The following SLC6A2 variants were observed in gnomAD, a reference collection of about 807,000 sequenced individuals.
The protein encoded by SLC6A2 is sodium-dependent noradrenaline transporter.
A neutral mutation model predicts 71.7 loss-of-function variants in SLC6A2; 26 were observed. The ratio of observed to expected loss-of-function variants is 0.36; its 90% CI spans 0.27 to 0.50. The LOEUF is 0.50. Among genes scored for constraint, SLC6A2 ranks in the 20% least tolerant of loss-of-function variants. SLC6A2 has a pLI of 0.96. For synonymous variants in SLC6A2, 363 were observed against 337.9 expected (o/e 1.07, Z -0.82); for missense variants, 581 against 803.9 (o/e 0.72, Z 3.35).
intron 2 of SLC6A2, among the ~76,000 whole-genome samples, chr16:55,662,168 G>A (rs539106417): frequency 6.6e-6 from 1 of 152,286 alleles, no homozygotes; most frequent in Non-Finnish European, 1.5e-5. Context: ...CTTGTCAAAA[G>A]GATCTGAAAG....
rs1236577996 is a variant in SLC6A2, at chr16:55,656,754, T to G, written c.60T>G (p.Gly20=). 2 of 1,612,850 alleles carry G rather than the reference T, an allele frequency of 1.2e-6. No homozygotes were observed. Among genetic ancestry groups the G allele is most frequent in the Non-Finnish European group, 1.7e-6 (2 of 1,179,844 alleles). The change falls in exon 2 of 15, where the codon GGT becomes GGG. Residue 20 remains glycine, a synonymous_variant. Transcript: ENST00000568943. This position sits in a 1 kb window ranked among gnomAD's most constrained non-coding sequence, Gnocchi z 4.5. ...CCGAGAACAACGGGGCGGACACGGG[T>G]CCAGAGCAGCCCCTTCGGGCGCGCA... is the stretch of plus-strand genomic sequence containing the variant. ...VQPENNGADT[G]PEQPLRARKT...
intron 4 of SLC6A2, among the ~76,000 whole-genome samples, chr16:55,675,183 G>A (rs1965046193): frequency 6.6e-6 from 1 of 152,126 alleles, no homozygotes; most frequent in Non-Finnish European, 1.5e-5. Context: ...TAAAATGTTT[G>A]CATAGCACTC....
At chr16:55,662,867 C>T (rs1306254364) in intron 2 of SLC6A2, among the ~76,000 whole-genome samples, 3 of 152,170 alleles carry the variant, frequency 2.0e-5, no homozygotes, top group Non-Finnish European at 4.4e-5. Flanking sequence ...ACACAGAAGA[C>T]GTCTGTGACC....
intron 14 of SLC6A2, 63 bp from the exon 15 acceptor site, chr16:55,702,260 A>G: frequency 1.3e-6 from 2 of 1,533,620 alleles, no homozygotes; most frequent in Non-Finnish European, 1.8e-6. Flanking sequence ...TGCCCCCGCC[A>G]GCTGGCCCTT....
intron 2 of SLC6A2, among the ~76,000 whole-genome samples, chr16:55,664,239 T>C (rs1398484183): frequency 6.6e-6 from 1 of 152,080 alleles, no homozygotes; most frequent in Admixed American, 6.5e-5. Flanking sequence ...ATTCCCTAAA[T>C]CTCTTCACTG....
intron 2 of SLC6A2, among the ~76,000 whole-genome samples, chr16:55,660,165 A>G (rs1964572200): frequency 6.6e-6 from 1 of 151,988 alleles, no homozygotes; most frequent in Non-Finnish European, 1.5e-5. Flanking sequence ...AAGGGAGGAG[A>G]TCTCCAGCTG....
intron 2 of SLC6A2, among the ~76,000 whole-genome samples, chr16:55,657,880 C>G (rs1178440259): frequency 6.6e-6 from 1 of 152,180 alleles, no homozygotes; most frequent in Non-Finnish European, 1.5e-5. Context: ...GGTGCTGGCC[C>G]CCACCCCCTA....
intron 2 of SLC6A2, among the ~76,000 whole-genome samples, chr16:55,665,612 C>T (rs1382653718): frequency 1.3e-5 from 2 of 152,232 alleles, no homozygotes; most frequent in East Asian, 3.9e-4. Flanking sequence ...TCTTTGACCA[C>T]ACTACCTCCA....
At chr16:55,697,804 TG>T in intron 9 of SLC6A2, 92 bp from the exon 10 acceptor site, 1 of 1,416,676 alleles carries the variant, frequency 7.1e-7, no homozygotes, top group Non-Finnish European at 9.8e-7. Flanking sequence ...ACATGAGTCC[TG>T]GGCTGCAGGA....
chr16:55,689,086 A>T (rs1247032356), intron 5 of SLC6A2, among the ~76,000 whole-genome samples: 8 of 152,192 alleles, frequency 5.3e-5, no homozygotes, highest in African/African-American at 1.4e-4. Flanking sequence ...CTAGGTTCTC[A>T]TGGCCAGAGC....
Position 55,705,599 on chromosome 16 carries a change from C to T in SLC6A2, c.*3253C>T, listed in dbSNP as rs1370622119. 3.9e-6 allele frequency: 1 copy of T among 254,358 alleles called. No individual in the cohort carries two copies. Among genetic ancestry groups the T allele is most frequent in the Non-Finnish European group, 7.4e-6 (1 of 134,624 alleles). The allele number at this position is 254,358 out of a possible 1,614,324, so 15.8% of individuals were successfully genotyped here. On this transcript the variant is annotated 3_prime_UTR_variant, in exon 15 of 15. Coordinates refer to ENST00000568943, the MANE Select transcript of SLC6A2 (RefSeq NM_001172501.3). ...CTTTTGGGGCTTCAAGATTCTTTGTCTTTAAAATCAGGGGTTATATCAGAT... is the reference window on the plus strand; with the variant it reads ...CTTTTGGGGCTTCAAGATTCTTTGTTTTTAAAATCAGGGGTTATATCAGAT...
At chr16:55,701,375 G>A (rs1259101410) in intron 13 of SLC6A2, among the ~76,000 whole-genome samples, 1 of 152,198 alleles carries the variant, frequency 6.6e-6, no homozygotes, top group Admixed American at 6.5e-5. Context: ...TGGGAGTGGA[G>A]AGGCTTCCTG....
chr16:55,657,779 C>T (rs545323812), intron 2 of SLC6A2, among the ~76,000 whole-genome samples: 179 of 152,216 alleles, frequency 1.2e-3, no homozygotes, highest in Non-Finnish European at 1.6e-3. Flanking sequence ...AACTGGCCAC[C>T]TGCCTGAAAA....
chr16:55,678,919 G>A (rs771313086), intron 4 of SLC6A2, among the ~76,000 whole-genome samples: 11 of 152,240 alleles, frequency 7.2e-5, no homozygotes, highest in Non-Finnish European at 1.6e-4. Flanking sequence ...GTAAGCTTGG[G>A]AGTCCAGATC....
rs1401293533 is a variant in SLC6A2, at chr16:55,698,051, A to T, written c.1389+26A>T. 14 of 1,613,316 alleles carry T rather than the reference A, an allele frequency of 8.7e-6. No individual in the cohort carries two copies. In the East Asian group the frequency reaches 2.9e-4, roughly 33 times the overall value. ...GTGAGTAGGGGCTGGGCTCTGGGTC[A>T]CCTGGGGGCCTCTGAGGCCGCATTT... On this transcript the variant is annotated intron_variant, in intron 10 of 14. Coordinates refer to ENST00000568943, the MANE Select transcript of SLC6A2 (RefSeq NM_001172501.3).
rs1460364336 is a variant in SLC6A2 at position 55,701,887 on chromosome 16, G to C, written c.1783G>C (p.Glu595Gln). Residue 595 changes from glutamate to glutamine, a missense_variant, in exon 14 of 15, where the codon GAG becomes CAG. Physicochemically the swap from Glu to Gln is conservative, Grantham distance 29. Around this residue, in one of 5 missense-constraint regions of SLC6A2, gnomAD observed 334 missense variants for 449.0 expected, o/e 0.74. Coordinates refer to ENST00000568943, the MANE Select transcript of SLC6A2 (RefSeq NM_001172501.3). ...GAGACTGGCCTATGGCATCACGCCA[G>C]AGAACGAGCACCACCTGGTGGCTCA... The part of the protein sequence containing the change: ...WERLAYGITP[E>Q]NEHHLVAQRD... 4 of 1,614,006 alleles carry C rather than the reference G, an allele frequency of 2.5e-6. No homozygotes were observed. The highest frequency in any genetic ancestry group is 1.3e-5 in the African/African-American group (1 of 74,938).
rs768110328 is a variant in SLC6A2, at chr16:55,697,889, C to T, written c.1261-8C>T. 5.6e-6 allele frequency: 9 copies of T among 1,613,920 alleles called. No homozygotes were observed. Among genetic ancestry groups the T allele is most frequent in the Non-Finnish European group, 7.6e-6 (9 of 1,179,944 alleles). ...TTCCTGCACCCCACCCCTCCTGGTTCCCTCCAGATGGGAGGCATGGAGGCT... is the reference window on the plus strand; with the variant it reads ...TTCCTGCACCCCACCCCTCCTGGTTTCCTCCAGATGGGAGGCATGGAGGCT... On this transcript the variant is annotated splice_region_variant and splice_polypyrimidine_tract_variant and intron_variant, in intron 9 of 14. Coordinates refer to ENST00000568943, the MANE Select transcript of SLC6A2 (RefSeq NM_001172501.3).
intron 3 of SLC6A2, 52 bp downstream of exon 3, chr16:55,669,748 G>T: frequency 6.2e-7 from 1 of 1,605,776 alleles, no homozygotes; most frequent in South Asian, 1.1e-5. Flanking sequence ...CTTCCCTGTT[G>T]CCCTTGGGGA....
At chr16:55,678,302 G>T (rs1020879179) in intron 4 of SLC6A2, among the ~76,000 whole-genome samples, 1 of 151,964 alleles carries the variant, frequency 6.6e-6, no homozygotes, top group Non-Finnish European at 1.5e-5. Context: ...GTCATCAGCT[G>T]CCTCTGGACT....
Sources: allele counts gnomAD v4.1 joint callset (sites outside exome capture counted in the v4.1 genomes callset), GRCh38; gene constraint gnomAD v4.1.1; regional missense constraint gnomAD v4.1.1; non-coding constraint Gnocchi (gnomAD v3.1); transcripts MANE v1.5; gene names NCBI Gene and HGNC (gene_info 2026-07-23, HGNC 2026-07-21).